PPHLN1: variants seen among roughly 807,000 people sequenced by gnomAD.
PPHLN1 encodes periphilin 1.
In PPHLN1, 29 loss-of-function variants were observed where a neutral mutation model predicts 51.3. That is an observed-to-expected ratio of 0.57 (90% confidence interval 0.42 to 0.77). The LOEUF is 0.77. Ranked by LOEUF, PPHLN1 falls within the 30% of genes least tolerant of loss-of-function variation. PPHLN1 has a pLI of 0.00. For synonymous variants in PPHLN1, 147 were observed against 147.8 expected (o/e 0.99, Z 0.04); for missense variants, 436 against 438.4 (o/e 0.99, Z 0.05).
intron 9 of PPHLN1, among the ~76,000 whole-genome samples, chr12:42,411,903 CAAAAAAAAA>C (rs1212289027): frequency 2.6e-4 from 9 of 33,978 alleles, no homozygotes; most frequent in Admixed American, 4.9e-4. Context: ...GACTCAGTCT[CAAAAAAAAA>C]AAAAAAAAAA....
intron 5 of PPHLN1, among the ~76,000 whole-genome samples, chr12:42,383,570 C>CTTATAT (rs2076932560): frequency 6.6e-6 from 1 of 152,250 alleles, no homozygotes; most frequent in Non-Finnish European, 1.5e-5. Flanking sequence ...AGGCTCTGAA[C>CTTATAT]AGTTGCTATA....
intron 9 of PPHLN1, among the ~76,000 whole-genome samples, chr12:42,407,587 T>G (rs558308887): frequency 1.3e-5 from 2 of 152,178 alleles, no homozygotes; most frequent in Admixed American, 6.5e-5. Context: ...AGGAAGTAAA[T>G]GTAGTGATTC....
At chr12:42,407,051 T>G (rs2079378613) in intron 9 of PPHLN1, among the ~76,000 whole-genome samples, 1 of 152,198 alleles carries the variant, frequency 6.6e-6, no homozygotes, top group African/African-American at 2.4e-5. Flanking sequence ...ATTCCATTGG[T>G]CTGTTGATCC....
intron 9 of PPHLN1, among the ~76,000 whole-genome samples, chr12:42,431,302 T>C (rs1347224070): frequency 6.6e-6 from 1 of 152,234 alleles, no homozygotes; most frequent in African/African-American, 2.4e-5. Context: ...AGTGGTTGCA[T>C]ATTAAAAATG....
At position 42,360,458 on chromosome 12, in the gene PPHLN1, C is replaced by CTTTTTTTTTTTTTTTTT. The variant is rs71084642; in HGVS notation, c.299+5249_299+5265dup. Among the ~76,000 whole-genome samples, 10 of 56,292 alleles carry CTTTTTTTTTTTTTTTTT rather than the reference C, an allele frequency of 1.8e-4. 1 individual carries two copies. Among genetic ancestry groups the CTTTTTTTTTTTTTTTTT allele is most frequent in the African/African-American group, 3.8e-4 (5 of 13,100 alleles). 36.9% of individuals were successfully genotyped at this position (56,292 alleles called of 152,430 possible). ...ACAGTTCCTGAAGTGATGCTGAATT[C>CTTTTTTTTTTTTTTTTT]TTTTTTTTTTTTTTTTTTTTTTTTT... On this transcript the variant is annotated intron_variant, in intron 4 of 9. Coordinates refer to ENST00000358314, the MANE Select transcript of PPHLN1 (RefSeq NM_201439.2).
chr12:42,440,766 A>G lies in PPHLN1; in HGVS notation c.910-549A>G, dbSNP rs568134416. On this transcript the variant is annotated intron_variant, in intron 9 of 9. Transcript: ENST00000358314. ...CCAATTTTTTGTATTTTTAGTAGAGATGGGGTTTCGCCATGTTGGCCAGGC... is the reference window on the plus strand; with the variant it reads ...CCAATTTTTTGTATTTTTAGTAGAGGTGGGGTTTCGCCATGTTGGCCAGGC... 5.3e-5 allele frequency among the ~76,000 whole-genome samples: 8 copies of G among 152,294 alleles called. No homozygotes were observed. In the East Asian group the frequency reaches 1.5e-3, roughly 29 times the overall value.
At chr12:42,448,331 A>T (rs1033890933), downstream of PPHLN1, 2 of 151,240 alleles carry the variant, frequency 1.3e-5, no homozygotes, top group Non-Finnish European at 3.0e-5. Flanking sequence ...TTATTCTGGT[A>T]GGCTTGTTAG....
chr12:42,333,964 G>C (rs2070202252), intron 1 of PPHLN1, among the ~76,000 whole-genome samples: 1 of 152,010 alleles, frequency 6.6e-6, no homozygotes, highest in Non-Finnish European at 1.5e-5. Context: ...ATTTTTTTGT[G>C]AACTGTTTGC....
chr12:42,393,679 C>G lies in PPHLN1; in HGVS notation c.758C>G (p.Ser253Cys), dbSNP rs1283118335. 5 of 1,607,072 alleles carry G rather than the reference C, an allele frequency of 3.1e-6. No individual in the cohort carries two copies. The highest frequency in any genetic ancestry group is 4.2e-6 in the Non-Finnish European group (5 of 1,177,844). The change falls in exon 8 of 10, where the codon TCT (serine) becomes TGT (cysteine). Residue 253 changes from serine to cysteine, a missense_variant. By Grantham distance (112) the Ser-to-Cys change is moderately radical. Transcript: ENST00000358314. Reference protein sequence around the residue: ...KSDESNLPEISEYEAGSTAPL... With the variant: ...KSDESNLPEICEYEAGSTAPL... ...GATGAAAGTAACTTGCCTGAAATTT[C>G]TGAGTATGAGGTAAGGCATAATGTC...
At chr12:42,442,323 G>A (rs2083026695), downstream of PPHLN1, 2 of 195,980 alleles carry the variant, frequency 1.0e-5, no homozygotes, top group Non-Finnish European at 1.0e-5. Flanking sequence ...CTCTTACCCC[G>A]AGGCTGAGGG....
intron 2 of PPHLN1, among the ~76,000 whole-genome samples, chr12:42,349,614 C>G (rs1050159081): frequency 1.3e-4 from 20 of 152,040 alleles, no homozygotes; most frequent in African/African-American, 4.1e-4. Context: ...TGACTCTTAA[C>G]GAGCATGCTG....
intron 3 of PPHLN1, among the ~76,000 whole-genome samples, chr12:42,352,860 A>G (rs12821438): frequency 5.9e-5 from 9 of 151,462 alleles, no homozygotes; most frequent in African/African-American, 2.2e-4. Flanking sequence ...AGGCTTAGGT[A>G]GGTGGATCAC....
chr12:42,395,300 T>C (rs187609650), intron 8 of PPHLN1, among the ~76,000 whole-genome samples: 109 of 152,226 alleles, frequency 7.2e-4, no homozygotes, highest in African/African-American at 2.1e-3. Context: ...AGGCAAGATA[T>C]GTGAGAGTAG....
At chr12:42,356,707 A>G (rs1413445667) in intron 4 of PPHLN1, among the ~76,000 whole-genome samples, 3 of 152,256 alleles carry the variant, frequency 2.0e-5, no homozygotes, top group African/African-American at 7.2e-5. Flanking sequence ...CCAGCTGGGA[A>G]TGGAAAGAGA....
At chr12:42,427,623 T>G (rs1302469464) in intron 9 of PPHLN1, among the ~76,000 whole-genome samples, 1 of 152,226 alleles carries the variant, frequency 6.6e-6, no homozygotes. Context: ...ATTAAGGACT[T>G]ACTTACATCT....
intron 3 of PPHLN1, among the ~76,000 whole-genome samples, chr12:42,352,851 G>C (rs557335556): frequency 7.4e-4 from 112 of 152,174 alleles, no homozygotes; most frequent in African/African-American, 2.5e-3. Flanking sequence ...CACTTTGGGA[G>C]GCTTAGGTAG....
At chr12:42,433,588 C>T (rs979585611) in intron 9 of PPHLN1, among the ~76,000 whole-genome samples, 1 of 152,180 alleles carries the variant, frequency 6.6e-6, no homozygotes, top group African/African-American at 2.4e-5. Context: ...CTCCCAATTG[C>T]TGGGATTACA....
At chr12:42,446,332 A>C (rs935827435), downstream of PPHLN1, 12 of 1,531,938 alleles carry the variant, frequency 7.8e-6, no homozygotes, top group Non-Finnish European at 9.6e-6. Context: ...TGTTACCCGT[A>C]CCTACTATAC....
intron 5 of PPHLN1, among the ~76,000 whole-genome samples, chr12:42,382,454 A>G (rs904066125): frequency 1.3e-5 from 2 of 152,112 alleles, no homozygotes; most frequent in Admixed American, 1.3e-4. Flanking sequence ...GCAAGTCACA[A>G]CAAAGGCAGG....
Sources: allele counts gnomAD v4.1 joint callset (sites outside exome capture counted in the v4.1 genomes callset), GRCh38; gene constraint gnomAD v4.1.1; transcripts MANE v1.5; gene names NCBI Gene and HGNC (gene_info 2026-07-23, HGNC 2026-07-21).